The following MEX3D variants were observed in gnomAD, a reference collection of about 807,000 sequenced individuals.
MEX3D encodes RNA-binding protein MEX3D.
A neutral mutation model predicts 6.3 loss-of-function variants in MEX3D; 4 were observed. The ratio of observed to expected loss-of-function variants is 0.64; its 90% CI spans 0.31 to 1.46. The LOEUF (loss-of-function observed/expected upper bound fraction) is 1.46, where lower values mean the gene tolerates loss of function less well. Ranked by LOEUF, MEX3D falls within the 40% of genes most tolerant of loss-of-function variation. MEX3D has a pLI of 0.07. For missense variants in MEX3D, 1,038 were observed against 994.4 expected, an observed-to-expected ratio of 1.04 and a Z score of -0.59; for synonymous variants, 626 against 494.1, an observed-to-expected ratio of 1.27 and a Z score of -3.54.
chr19:1,556,962 C>T lies in MEX3D; in HGVS notation c.596-39G>A. 1.3e-6 allele frequency: 2 copies of T among 1,551,730 alleles called. No individual in the cohort carries two copies. Among genetic ancestry groups the T allele is most frequent in the South Asian group, 1.2e-5 (1 of 83,028 alleles). On this transcript the variant is annotated intron_variant, in intron 1 of 1. Coordinates refer to ENST00000402693, the MANE Select transcript of MEX3D (RefSeq NM_203304.4). The surrounding 1 kb of genome is among the most constrained non-coding windows in gnomAD (Gnocchi z 7.5). ...AGGGGAAGGACAAGGTGACCCAGAG[C>T]CCCCTGCGCAGCTCAGCCCCGCTGG...
At chr19:1,558,254 A>G (rs951575223) in intron 1 of MEX3D, among the ~76,000 whole-genome samples, 4 of 151,234 alleles carry the variant, frequency 2.6e-5, no homozygotes, top group Admixed American at 6.6e-5. Context: ...AGTCTTAGCT[A>G]CTCAGGAGGC....
intron 1 of MEX3D, among the ~76,000 whole-genome samples, chr19:1,565,624 G>A (rs1272745327): frequency 6.6e-6 from 1 of 152,168 alleles, no homozygotes; most frequent in Non-Finnish European, 1.5e-5. Context: ...CACAGAGAGG[G>A]GCCGTCATCT....
chr19:1,562,606 G>A (rs1173737395), intron 1 of MEX3D, among the ~76,000 whole-genome samples: 2 of 152,252 alleles, frequency 1.3e-5, no homozygotes. Context: ...GCAGAGGTGG[G>A]AGGATCGTCT....
rs564614811 is a variant in MEX3D at position 1,567,008 on chromosome 19, T to C, written c.595+456A>G. ...GCTGGAGACTGAGACGTGCGCTCTT[T>C]GTACTGTCAGCCTTCTCTCCCGGTC... On this transcript the variant is annotated intron_variant, in intron 1 of 1. Coordinates refer to ENST00000402693, the MANE Select transcript of MEX3D (RefSeq NM_203304.4). This position sits in a 1 kb window ranked among gnomAD's most constrained non-coding sequence, Gnocchi z 6.5. Among the ~76,000 whole-genome samples the C allele has an allele frequency of 5.0e-4, 76 of 152,186 alleles. No homozygotes were observed. The highest frequency in any genetic ancestry group is 1.0e-3 in the Admixed American group (16 of 15,290).
chr19:1,555,533 G>A lies in MEX3D; in HGVS notation c.*30C>T. On this transcript the variant is annotated 3_prime_UTR_variant, in exon 2 of 2. Transcript: ENST00000402693. The stretch of plus-strand genomic sequence containing the variant: ...CCCGCGCCCACCCCTGGCCCCCGCA[G>A]ATGGCCCCGGCCACGTGGTGGTCCG... The A allele has an allele frequency of 6.7e-7, 1 of 1,497,080 alleles. No individual in the cohort carries two copies. The highest frequency in any genetic ancestry group is 1.2e-5 in the South Asian group (1 of 82,906). 92.7% of individuals were successfully genotyped at this position (1,497,080 alleles called of 1,614,324 possible). A position where few individuals can be genotyped will look rare whatever the true frequency, so the allele number is the denominator to read the frequency against.
At chr19:1,562,994 G>A (rs1914756592) in intron 1 of MEX3D, among the ~76,000 whole-genome samples, 1 of 152,140 alleles carries the variant, frequency 6.6e-6, no homozygotes, top group African/African-American at 2.4e-5. Context: ...CTCCAGCCTG[G>A]GCGACAAGAG....
In MEX3D at chr19:1,567,452, A is replaced by G; in HGVS notation, c.595+12T>C. The G allele has an allele frequency of 1.9e-6, 3 of 1,559,972 alleles. No individual in the cohort carries two copies. Among genetic ancestry groups the G allele is most frequent in the Non-Finnish European group, 2.6e-6 (3 of 1,155,284 alleles). Reference sequence around the variant, plus strand: ...ACCCCCAGGACAGCAACCCCCGACGAGGGCCACTCACCCTGGCGACCCACG... The same window carrying G: ...ACCCCCAGGACAGCAACCCCCGACGGGGGCCACTCACCCTGGCGACCCACG... On this transcript the variant is annotated intron_variant, in intron 1 of 1. Transcript: ENST00000402693. The surrounding 1 kb of genome is among the most constrained non-coding windows in gnomAD (Gnocchi z 6.5).
In MEX3D at chr19:1,568,062, G is replaced by A; in HGVS notation, c.-4C>T. On this transcript the variant is annotated 5_prime_UTR_variant, in exon 1 of 2. Transcript: ENST00000402693. The stretch of plus-strand genomic sequence containing the variant: ...GCTGGCCGAGCGAGCTGGGCATGGC[G>A]GGAGCTAGCGCTGGGGCCCGCGCTC... 1.0e-6 allele frequency: 1 copy of A among 978,706 alleles called. No individual in the cohort carries two copies. The highest frequency in any genetic ancestry group is 1.2e-6 in the Non-Finnish European group (1 of 827,790). 60.6% of individuals were successfully genotyped at this position (978,706 alleles called of 1,614,324 possible).
rs1914550233 is a variant in MEX3D at position 1,556,241 on chromosome 19, G to A, written c.1278C>T (p.Gly426=). 4.3e-6 allele frequency: 6 copies of A among 1,391,402 alleles called. No homozygotes were observed. Among genetic ancestry groups the A allele is most frequent in the African/African-American group, 1.5e-5 (1 of 64,642 alleles). 86.2% of individuals were successfully genotyped at this position (1,391,402 alleles called of 1,614,324 possible). ...CGAAGGCGAAGCCCCCGTTGCCGGA[G>A]CCGCTGTAGGGGCTGGCGGGGCCTG... ...PDPGPASPYS[G]SGNGGFAFGA... The change falls in exon 2 of 2, where the codon GGC becomes GGT. Residue 426 remains glycine (G), a synonymous_variant. Coordinates refer to ENST00000402693, the MANE Select transcript of MEX3D (RefSeq NM_203304.4). This position sits in a 1 kb window ranked among gnomAD's most constrained non-coding sequence, Gnocchi z 7.5.
intron 1 of MEX3D, among the ~76,000 whole-genome samples, chr19:1,562,524 C>CAAAAG (rs367551203): frequency 2.6e-3 from 387 of 151,376 alleles, no homozygotes; most frequent in African/African-American, 8.5e-3. Flanking sequence ...GACTCCGCCT[C>CAAAAG]AAAAGAAAAG....
rs1914554994 is a variant in MEX3D, at chr19:1,556,308, G to T, written c.1211C>A (p.Ala404Asp). Residue 404 changes from alanine to aspartate, a missense_variant, in exon 2 of 2, where the codon GCC (alanine) becomes GAC (aspartate). Coordinates refer to ENST00000402693, the MANE Select transcript of MEX3D (RefSeq NM_203304.4). The surrounding 1 kb of genome is among the most constrained non-coding windows in gnomAD (Gnocchi z 7.5). ...TALGAPSAPE[A>D]FYAGSRGGPS... ...GCCGCCGCGGCTGCCCGCGTAGAAG[G>T]CCTCGGGGGCGCTGGGGGCGCCCAG... 11 of 1,310,066 alleles carry T rather than the reference G, an allele frequency of 8.4e-6. No individual in the cohort carries two copies. The highest frequency in any genetic ancestry group is 1.1e-5 in the Non-Finnish European group (11 of 1,033,842). The allele number at this position is 1,310,066 out of a possible 1,614,324, so 81.2% of individuals were successfully genotyped here.
Position 1,556,652 on chromosome 19 carries a change from C to T in MEX3D, c.867G>A (p.Val289=), listed in dbSNP as rs771257692. 1 of 1,610,548 alleles carries T rather than the reference C, an allele frequency of 6.2e-7. No individual in the cohort carries two copies. The highest frequency in any genetic ancestry group is 8.5e-7 in the Non-Finnish European group (1 of 1,179,094). The change falls in exon 2 of 2, where the codon GTG becomes GTA. Residue 289 remains valine, a synonymous_variant. Transcript: ENST00000402693. This position sits in a 1 kb window ranked among gnomAD's most constrained non-coding sequence, Gnocchi z 7.5. ...GCTTGATGGTGGCGCCCTTGGGCCC[C>T]ACCACCAGCCCCACCACCCGGTAGG... ...RVPYRVVGLV[V]GPKGATIKRI...
chr19:1,567,315 C>A lies in MEX3D; in HGVS notation c.595+149G>T. The A allele has an allele frequency of 1.1e-6, 1 of 933,062 alleles. No homozygotes were observed. The highest frequency in any genetic ancestry group is 1.4e-6 in the Non-Finnish European group (1 of 699,230). 57.8% of individuals were successfully genotyped at this position (933,062 alleles called of 1,614,324 possible). ...CCGCGGCGGCTGCAGGACAAAGGCG[C>A]AAAGGCAGCGGCCGAGGCCGGAGCC... On this transcript the variant is annotated intron_variant, in intron 1 of 1. Coordinates refer to ENST00000402693, the MANE Select transcript of MEX3D (RefSeq NM_203304.4). The surrounding 1 kb of genome is among the most constrained non-coding windows in gnomAD (Gnocchi z 6.5).
At position 1,567,765 on chromosome 19, in the gene MEX3D, A is replaced by G. The variant is rs1239083427; in HGVS notation, c.294T>C (p.Ala98=). ...GTCCGTCGGGGGGCACAGGCTCCGG[A>G]GCCGCCCCGCCGTCCGCGCCCCCCG... The part of the protein sequence containing the change: ...AAAGGADGGA[A]PEPVPPDGPE... Residue 98 remains alanine (A), a synonymous_variant, in exon 1 of 2, where the codon GCT becomes GCC. Transcript: ENST00000402693. This position sits in a 1 kb window ranked among gnomAD's most constrained non-coding sequence, Gnocchi z 6.5. The G allele has an allele frequency of 5.7e-5, 53 of 932,496 alleles. No individual in the cohort carries two copies. The highest frequency in any genetic ancestry group is 6.6e-5 in the Non-Finnish European group (52 of 785,692). The allele number at this position is 932,496 out of a possible 1,614,324, so 57.8% of individuals were successfully genotyped here. A position where few individuals can be genotyped will look rare whatever the true frequency, so the allele number is the denominator to read the frequency against.
intron 1 of MEX3D, among the ~76,000 whole-genome samples, chr19:1,565,418 T>G (rs1313066085): frequency 6.6e-6 from 1 of 152,068 alleles, no homozygotes; most frequent in Non-Finnish European, 1.5e-5. Flanking sequence ...GGCTCACACT[T>G]GTAATCCCAG....
Position 1,555,967 on chromosome 19 carries a change from G to T in MEX3D, c.1552C>A (p.Pro518Thr). Residue 518 changes from proline (P) to threonine (T), a missense_variant, in exon 2 of 2, where the codon CCC (proline) becomes ACC (threonine). Coordinates refer to ENST00000402693, the MANE Select transcript of MEX3D (RefSeq NM_203304.4). Reference sequence around the variant, plus strand: ...TCCAGGCGGAGGCCGCCGGGCTCGGGCAGCGTGGGCGAGTGGCGGGGGGTC... The same window carrying T: ...TCCAGGCGGAGGCCGCCGGGCTCGGTCAGCGTGGGCGAGTGGCGGGGGGTC... ...AGTPRHSPTL[P>T]EPGGLRLELP... 8.5e-7 allele frequency: 1 copy of T among 1,169,594 alleles called. No homozygotes were observed. Among genetic ancestry groups the T allele is most frequent in the African/African-American group, 1.6e-5 (1 of 60,854 alleles). 72.5% of individuals were successfully genotyped at this position (1,169,594 alleles called of 1,614,324 possible).
At chr19:1,564,608 T>G (rs142613261) in intron 1 of MEX3D, among the ~76,000 whole-genome samples, 1 of 151,206 alleles carries the variant, frequency 6.6e-6, no homozygotes, top group African/African-American at 2.4e-5. Flanking sequence ...CTCAGAGGGT[T>G]TGAATGACCA....
Position 1,555,251 on chromosome 19 carries a change from G to A in MEX3D, c.*312C>T, listed in dbSNP as rs1914483440. ...TTGCTTTTTTAAAGATCACCCTGGA[G>A]GGGAGGGGTGTCTAAAAATAAGAAA... is the stretch of plus-strand genomic sequence containing the variant. On this transcript the variant is annotated 3_prime_UTR_variant, in exon 2 of 2. Coordinates refer to ENST00000402693, the MANE Select transcript of MEX3D (RefSeq NM_203304.4). 5 of 1,406,866 alleles carry A rather than the reference G, an allele frequency of 3.6e-6. No homozygotes were observed. The highest frequency in any genetic ancestry group is 3.9e-5 in the Admixed American group (2 of 51,698). The allele number at this position is 1,406,866 out of a possible 1,614,324, so 87.1% of individuals were successfully genotyped here.
intron 1 of MEX3D, among the ~76,000 whole-genome samples, chr19:1,564,534 A>G (rs889474678): frequency 8.2e-6 from 1 of 121,416 alleles, no homozygotes; most frequent in Admixed American, 8.2e-5. Flanking sequence ...CTCCATCCCA[A>G]AAAAAAAAAA....
Sources: gnomAD v4.1 joint callset for allele counts (sites outside exome capture counted in the v4.1 genomes callset) on GRCh38, gnomAD v4.1.1 for gene constraint, Gnocchi (gnomAD v3.1) non-coding constraint, MANE v1.5 for transcripts, NCBI Gene and HGNC (gene_info 2026-07-23, HGNC 2026-07-21) for gene names.